Variants in GHR observed in about 807,000 individuals in gnomAD.
The protein encoded by GHR is GH receptor.
GHR carries 35 observed loss-of-function variants against 67.1 expected under a neutral mutation model. That is an observed-to-expected ratio of 0.52 (90% CI 0.40 to 0.69). GHR has a LOEUF of 0.69. GHR is among the 30% of genes least tolerant of loss of function. The probability of loss-of-function intolerance (pLI) is 0.00; values close to 1 mark genes in which losing one functional copy is unlikely to be tolerated. For missense variants in GHR, 792 were observed against 764.6 expected (o/e 1.04, Z -0.42); for synonymous variants, 272 against 269.1 (o/e 1.01, Z -0.10).
At chr5:42,713,565 G>C (rs1758577636) in intron 8 of GHR, 46 bp downstream of exon 8, 1 of 843,234 alleles carries the variant, frequency 1.2e-6, no homozygotes, top group Non-Finnish European at 2.0e-6. Context: ...CAGTTGTTTA[G>C]ATTTCCATAT....
At chr5:42,684,588 T>C (rs1474596633) in intron 3 of GHR, among the ~76,000 whole-genome samples, 1 of 152,172 alleles carries the variant, frequency 6.6e-6, no homozygotes, top group Non-Finnish European at 1.5e-5. Flanking sequence ...CTGTACTCAT[T>C]TGTAACAGAT....
intron 1 of GHR, chr5:42,465,783 C>T (rs1561319388): frequency 2.5e-6 from 2 of 807,842 alleles, no homozygotes; most frequent in Non-Finnish European, 4.5e-6. Context: ...TGGCCCATTT[C>T]ACGTCCACTG....
chr5:42,468,178 C>G, intron 1 of GHR: 1 of 1,392,246 alleles, frequency 7.2e-7, no homozygotes, highest in Non-Finnish European at 1.0e-6. Context: ...ACGAAACTCC[C>G]CTGGGGCCCA....
chr5:42,440,054 C>G (rs953671815), intron 1 of GHR, among the ~76,000 whole-genome samples: 2 of 152,176 alleles, frequency 1.3e-5, no homozygotes, highest in African/African-American at 4.8e-5. Flanking sequence ...CATCATTACT[C>G]TCATCCTCAT....
At position 42,718,616 on chromosome 5, in the gene GHR, A is replaced by G. The variant is rs529548670; in HGVS notation, c.1109A>G (p.His370Arg). The change falls in exon 10 of 10, where the codon CAT becomes CGT. Residue 370 changes from histidine (H) to arginine (R), a missense_variant. His to Arg is a conservative substitution (Grantham distance 29, BLOSUM62 0). Transcript: ENST00000230882. The stretch of plus-strand genomic sequence containing the variant: ...ACAGACAGACTTCTAAGCAGTGACC[A>G]TGAGAAATCACATAGTAACCTAGGG... ...SDTDRLLSSD[H>R]EKSHSNLGVK... is the part of the protein sequence containing the mutation. 8.7e-6 allele frequency: 14 copies of G among 1,614,124 alleles called. No individual in the cohort carries two copies. In the Admixed American group the frequency reaches 1.0e-4, roughly 12 times the overall value.
chr5:42,571,614 T>C (rs2112501571), intron 2 of GHR, among the ~76,000 whole-genome samples: 1 of 152,274 alleles, frequency 6.6e-6, no homozygotes, highest in Admixed American at 6.5e-5. Context: ...TGTGAGTGAT[T>C]AGATTTGTGC....
At position 42,595,775 on chromosome 5, in the gene GHR, A is replaced by G. The variant is rs935601840; in HGVS notation, c.70+29831A>G. Among the ~76,000 whole-genome samples, 5 of 152,346 alleles carry G rather than the reference A, an allele frequency of 3.3e-5. No individual in the cohort carries two copies. The East Asian group carries it at 9.6e-4, about 29-fold the overall frequency. The stretch of plus-strand genomic sequence containing the variant: ...GGAAGGAAAGGAAGTGGGTTGCTGG[A>G]GAGGCGGGGTGTTTTATGTGACAGA... On this transcript the variant is annotated intron_variant, in intron 2 of 9. Coordinates refer to ENST00000230882, the MANE Select transcript of GHR (RefSeq NM_000163.5).
At position 42,650,578 on chromosome 5, in the gene GHR, CATATAT is replaced by C. The variant is rs35408817; in HGVS notation, c.136+21494_136+21499del. On this transcript the variant is annotated intron_variant, in intron 3 of 9. Coordinates refer to ENST00000230882, the MANE Select transcript of GHR (RefSeq NM_000163.5). ...CCAATGTACTCACTTTTACAGATAA[CATATAT>C]ATATATATATATATATATGTATGTC... is the stretch of plus-strand genomic sequence containing the variant. Among the ~76,000 whole-genome samples, 20 of 129,066 alleles carry C rather than the reference CATATAT, an allele frequency of 1.5e-4. 1 individual carries two copies. The highest frequency in any genetic ancestry group is 4.5e-4 in the African/African-American group (15 of 32,976). The allele number at this position is 129,066 out of a possible 152,430, so 84.7% of individuals were successfully genotyped here.
intron 5 of GHR, among the ~76,000 whole-genome samples, chr5:42,697,010 C>T (rs896423169): frequency 5.9e-5 from 9 of 152,012 alleles, no homozygotes; most frequent in Non-Finnish European, 8.8e-5. Context: ...TGGAGTGGGA[C>T]GGACTAGAGG....
chr5:42,627,026 T>C (rs991130226), intron 2 of GHR, among the ~76,000 whole-genome samples: 4 of 152,178 alleles, frequency 2.6e-5, no homozygotes, highest in Admixed American at 6.5e-5. Flanking sequence ...TTTTTTCCTG[T>C]TTTTTATGCC....
intron 1 of GHR, among the ~76,000 whole-genome samples, chr5:42,457,962 A>C (rs942766844): frequency 6.6e-6 from 1 of 152,232 alleles, no homozygotes; most frequent in Non-Finnish European, 1.5e-5. Context: ...ACTCATAAGG[A>C]TATTTCTAGA....
At chr5:42,478,665 T>A (rs2112139716) in intron 1 of GHR, among the ~76,000 whole-genome samples, 1 of 152,346 alleles carries the variant, frequency 6.6e-6, no homozygotes, top group East Asian at 1.9e-4. Context: ...GGGAGTTCAC[T>A]CATGATTTGG....
chr5:42,650,975 G>A (rs1754994470), intron 3 of GHR, among the ~76,000 whole-genome samples: 1 of 152,118 alleles, frequency 6.6e-6, no homozygotes, highest in African/African-American at 2.4e-5. Flanking sequence ...AAATCTATGA[G>A]GACTTTGCTA....
intron 3 of GHR, among the ~76,000 whole-genome samples, chr5:42,674,100 C>G (rs967886081): frequency 1.3e-5 from 2 of 152,016 alleles, no homozygotes; most frequent in Admixed American, 6.5e-5. Context: ...CCTGACAACC[C>G]CACTTACAAG....
chr5:42,569,055 G>T (rs1180843481), intron 2 of GHR, among the ~76,000 whole-genome samples: 2 of 152,156 alleles, frequency 1.3e-5, no homozygotes, highest in East Asian at 1.9e-4. Context: ...CCTCAGCTGT[G>T]GTGAATTACA....
intron 1 of GHR, among the ~76,000 whole-genome samples, chr5:42,498,336 G>T (rs541538577): frequency 1.5e-4 from 23 of 152,312 alleles, no homozygotes; most frequent in African/African-American, 5.3e-4. Flanking sequence ...CTGGAGATCT[G>T]ATTGGAAGGG....
chr5:42,673,595 A>G (rs985204299), intron 3 of GHR, among the ~76,000 whole-genome samples: 4 of 152,208 alleles, frequency 2.6e-5, no homozygotes, highest in African/African-American at 9.7e-5. Flanking sequence ...ACAGCAATAA[A>G]AAAGAATGAA....
chr5:42,718,303 A>T, intron 9 of GHR, 150 bp from the exon 10 acceptor site: 5 of 738,356 alleles, frequency 6.8e-6, no homozygotes, highest in East Asian at 2.7e-5. Context: ...ATATGTATTT[A>T]AAAAGTTACA....
At chr5:42,604,259 C>T (rs1752514611) in intron 2 of GHR, among the ~76,000 whole-genome samples, 1 of 152,106 alleles carries the variant, frequency 6.6e-6, no homozygotes, top group Admixed American at 6.5e-5. Context: ...TTATGGAGAC[C>T]TCATTGGATA....
Sources: allele counts gnomAD v4.1 joint callset (sites outside exome capture counted in the v4.1 genomes callset), GRCh38; gene constraint gnomAD v4.1.1; transcripts MANE v1.5; gene names NCBI Gene and HGNC (gene_info 2026-07-23, HGNC 2026-07-21).